HIVEP3: variants seen among roughly 807,000 people sequenced by gnomAD.
HIVEP3 encodes HIVEP zinc finger 3.
A neutral mutation model predicts 152.8 loss-of-function variants in HIVEP3; 49 were observed. The ratio of observed to expected loss-of-function variants is 0.32; its 90% confidence interval spans 0.26 to 0.41. The LOEUF (loss-of-function observed/expected upper bound fraction) is 0.41. Among genes scored for constraint, HIVEP3 ranks in the 10% least tolerant of loss-of-function variants. The probability of loss-of-function intolerance (pLI) is 1.00; values close to 1 mark genes in which losing one functional copy is unlikely to be tolerated. For synonymous variants in HIVEP3, 1,269 were observed against 1,289.0 expected (o/e 0.98, Z 0.33); for missense variants, 2,790 against 3,103.3 (o/e 0.90, Z 2.40).
chr1:41,791,532 C>A (rs1274195904), intron 1 of HIVEP3, among the ~76,000 whole-genome samples: 1 of 152,072 alleles, frequency 6.6e-6, no homozygotes, highest in Non-Finnish European at 1.5e-5. Context: ...GCTCCAGCAG[C>A]CATCTTAGAC....
At chr1:41,539,643 G>A (rs1643480378) in intron 5 of HIVEP3, among the ~76,000 whole-genome samples, 1 of 152,180 alleles carries the variant, frequency 6.6e-6, no homozygotes, top group Non-Finnish European at 1.5e-5. Context: ...CCACACAAAT[G>A]GCCAGAGCTG....
At position 41,582,523 on chromosome 1, in the gene HIVEP3, C is replaced by T; in HGVS notation, c.2275G>A (p.Glu759Lys). The T allele has an allele frequency of 6.2e-7, 1 of 1,611,468 alleles. No homozygotes were observed. Among genetic ancestry groups the T allele is most frequent in the Non-Finnish European group, 8.5e-7 (1 of 1,178,344 alleles). The stretch of plus-strand genomic sequence containing the variant: ...AAGGAGGGCACTGATTTACTTGGTT[C>T]TGCTGGTGACTTGGTGGACTCCAGG... Reference protein sequence around the residue: ...LPLESTKSPAEPSKSVPSLEG... With the variant: ...LPLESTKSPAKPSKSVPSLEG... The change falls in exon 4 of 9, where the codon GAA (glutamate) becomes AAA (lysine). Residue 759 changes from glutamate to lysine, a missense_variant. Around this residue, in one of 9 missense-constraint regions of HIVEP3, gnomAD observed 339 missense variants for 327.0 expected, o/e 1.04. Transcript: ENST00000372583. This position sits in a 1 kb window ranked among gnomAD's most constrained non-coding sequence, Gnocchi z 4.7.
intron 5 of HIVEP3, among the ~76,000 whole-genome samples, chr1:41,557,104 G>A (rs891380502): frequency 6.6e-6 from 1 of 152,166 alleles, no homozygotes; most frequent in African/African-American, 2.4e-5. Flanking sequence ...TGTTTTGGTG[G>A]TTCAAGGTCC....
chr1:41,808,969 A>C (rs530496858), intron 1 of HIVEP3, among the ~76,000 whole-genome samples: 2 of 152,368 alleles, frequency 1.3e-5, no homozygotes, highest in African/African-American at 2.4e-5. Context: ...CCATTTTGAA[A>C]AGGAGTAAAC....
At chr1:41,755,962 C>A (rs1030328379) in intron 1 of HIVEP3, among the ~76,000 whole-genome samples, 2 of 152,144 alleles carry the variant, frequency 1.3e-5, no homozygotes, top group Non-Finnish European at 2.9e-5. Context: ...AGCATAAGAC[C>A]TGACAGTAAT....
intron 1 of HIVEP3, among the ~76,000 whole-genome samples, chr1:42,027,575 A>G (rs1179719149): frequency 6.6e-6 from 1 of 152,176 alleles, no homozygotes; most frequent in Non-Finnish European, 1.5e-5. Context: ...GCTGTTCTTC[A>G]CACAGGTCAA....
intron 1 of HIVEP3, among the ~76,000 whole-genome samples, chr1:41,710,965 C>T (rs994722687): frequency 1.3e-5 from 2 of 152,222 alleles, no homozygotes; most frequent in African/African-American, 2.4e-5. Flanking sequence ...AGCTGAAGAC[C>T]GGAGAAATCA....
At chr1:41,965,016 T>G (rs541767694) in intron 1 of HIVEP3, among the ~76,000 whole-genome samples, 10 of 152,318 alleles carry the variant, frequency 6.6e-5, no homozygotes, top group African/African-American at 2.4e-4. Context: ...GCATTCCCAC[T>G]GGCATCAGGT....
chr1:41,952,168 A>G (rs1645112373), intron 1 of HIVEP3, among the ~76,000 whole-genome samples: 1 of 152,184 alleles, frequency 6.6e-6, no homozygotes, highest in African/African-American at 2.4e-5. Flanking sequence ...ATTTTGCAAC[A>G]GAGAGTTAAA....
At chr1:41,721,331 G>A (rs899234146) in intron 1 of HIVEP3, among the ~76,000 whole-genome samples, 33 of 151,980 alleles carry the variant, frequency 2.2e-4, no homozygotes, top group Admixed American at 1.4e-3. Flanking sequence ...TCTCAGCCCC[G>A]AGTAGGTGGG....
chr1:41,867,553 C>T (rs985739208), intron 1 of HIVEP3, among the ~76,000 whole-genome samples: 6 of 152,256 alleles, frequency 3.9e-5, no homozygotes, highest in Non-Finnish European at 5.9e-5. Context: ...TGTACTAGGC[C>T]GCAGGATGGC....
chr1:41,978,570 G>A (rs766388774), intron 1 of HIVEP3, among the ~76,000 whole-genome samples: 7 of 152,138 alleles, frequency 4.6e-5, no homozygotes, highest in South Asian at 2.1e-4. Context: ...CCAGAACTTC[G>A]AGAAAATGGA....
At chr1:41,978,463 G>A (rs1401063029) in intron 1 of HIVEP3, among the ~76,000 whole-genome samples, 1 of 152,166 alleles carries the variant, frequency 6.6e-6, no homozygotes, top group Non-Finnish European at 1.5e-5. Context: ...ACAGAGAAAA[G>A]ACCACAGGAG....
chr1:41,562,632 TCCC>T (rs1558063167), intron 5 of HIVEP3, among the ~76,000 whole-genome samples: 11 of 121,174 alleles, frequency 9.1e-5, no homozygotes, highest in Admixed American at 1.6e-4. Context: ...TCTCTCTCTC[TCCC>T]TCTCTCTCTC....
At chr1:41,746,807 C>T (rs1294687500) in intron 1 of HIVEP3, among the ~76,000 whole-genome samples, 1 of 152,190 alleles carries the variant, frequency 6.6e-6, no homozygotes, top group Non-Finnish European at 1.5e-5. Context: ...ACTGGAAGTT[C>T]TTGGGAATTA....
rs986124226 is a variant in HIVEP3, at chr1:41,662,961, G to A, written c.-720-34014C>T. On this transcript the variant is annotated intron_variant, in intron 2 of 8. Transcript: ENST00000372583. This position sits in a 1 kb window ranked among gnomAD's most constrained non-coding sequence, Gnocchi z 7.2. ...CGCTTTAATGAGCTCTGGGCGGGGCGGGCCTGCCAGGGCCTCCCTGGGCTC... is the reference window on the plus strand; with the variant it reads ...CGCTTTAATGAGCTCTGGGCGGGGCAGGCCTGCCAGGGCCTCCCTGGGCTC... 1.3e-5 allele frequency among the ~76,000 whole-genome samples: 2 copies of A among 152,188 alleles called. No individual in the cohort carries two copies. The highest frequency in any genetic ancestry group is 4.8e-5 in the African/African-American group (2 of 41,452).
At chr1:41,593,860 C>T (rs865858769) in intron 3 of HIVEP3, among the ~76,000 whole-genome samples, 1 of 152,210 alleles carries the variant, frequency 6.6e-6, no homozygotes, top group Non-Finnish European at 1.5e-5. Context: ...GGCCACTTTT[C>T]TTTCTGGGGG....
intron 2 of HIVEP3, among the ~76,000 whole-genome samples, chr1:41,656,445 C>T (rs1285306420): frequency 6.6e-6 from 1 of 152,186 alleles, no homozygotes; most frequent in Non-Finnish European, 1.5e-5. Context: ...ACCCTGGCCC[C>T]AATTCCTTTG....
chr1:41,655,920 G>T (rs562552541), intron 2 of HIVEP3, among the ~76,000 whole-genome samples: 3 of 152,222 alleles, frequency 2.0e-5, no homozygotes, highest in Admixed American at 2.0e-4. Flanking sequence ...TTCCACCCTG[G>T]TAACTTGAAA....
Sources: gnomAD v4.1 joint callset for allele counts (sites outside exome capture counted in the v4.1 genomes callset) on GRCh38, gnomAD v4.1.1 for gene constraint, gnomAD v4.1.1 regional missense constraint, Gnocchi (gnomAD v3.1) non-coding constraint, MANE v1.5 for transcripts, NCBI Gene and HGNC (gene_info 2026-07-23, HGNC 2026-07-21) for gene names.